The following MAF variants were observed in gnomAD, a reference collection of about 807,000 sequenced individuals.
MAF encodes MAF bZIP transcription factor, also known as transcription factor Maf.
In MAF, 10 loss-of-function variants were observed where a neutral mutation model predicts 22.0. The ratio of observed to expected loss-of-function variants is 0.45; its 90% CI spans 0.28 to 0.77. MAF has a LOEUF of 0.77. Ranked by LOEUF, MAF falls within the 30% of genes least tolerant of loss-of-function variation. The pLI is 0.12. For missense variants in MAF, 544 were observed against 548.4 expected, an observed-to-expected ratio of 0.99 and a Z score of 0.08; for synonymous variants, 337 against 255.8, an observed-to-expected ratio of 1.32 and a Z score of -3.03.
chr16:79,378,244 T>C, the MAF span, among the ~76,000 whole-genome samples: 2 of 152,126 alleles, frequency 1.3e-5, no homozygotes, highest in African/African-American at 4.8e-5. Context: ...GAAAAGTCCA[T>C]CAAGCGTACA....
the MAF span, among the ~76,000 whole-genome samples, chr16:79,316,727 T>C: frequency 1.3e-5 from 2 of 152,220 alleles, no homozygotes; most frequent in Middle Eastern, 3.4e-3. Flanking sequence ...GAATATTCAG[T>C]TGGCCTTACA....
the MAF span, among the ~76,000 whole-genome samples, chr16:79,304,976 T>C: frequency 6.6e-6 from 1 of 152,122 alleles, no homozygotes; most frequent in Non-Finnish European, 1.5e-5. Context: ...GAGCACTAAT[T>C]CAGAATGGAT....
chr16:79,290,101 C>T, the MAF span, among the ~76,000 whole-genome samples: 1 of 152,104 alleles, frequency 6.6e-6, no homozygotes, highest in Admixed American at 6.5e-5. Context: ...TTGTGATCCA[C>T]CCACCTCGGC....
chr16:79,482,224 A>G, the MAF span, among the ~76,000 whole-genome samples: 1 of 152,228 alleles, frequency 6.6e-6, no homozygotes, highest in African/African-American at 2.4e-5. Flanking sequence ...CAGTCATATG[A>G]CAGTTTCATT....
the MAF span, among the ~76,000 whole-genome samples, chr16:79,325,631 A>AAC: frequency 2.0e-5 from 3 of 149,528 alleles, no homozygotes; most frequent in South Asian, 2.1e-4. Flanking sequence ...ACACACACAG[A>AAC]ACACACACAC....
chr16:79,598,523 C>G (rs1227561989), intron 1 of MAF: 1 of 1,394,060 alleles, frequency 7.2e-7, no homozygotes, highest in Admixed American at 2.9e-5. Context: ...GAGCCAGACA[C>G]CCATTCCCTC....
the MAF span, among the ~76,000 whole-genome samples, chr16:79,231,316 T>G: frequency 6.6e-6 from 1 of 152,106 alleles, no homozygotes; most frequent in Non-Finnish European, 1.5e-5. Context: ...TGACCTGGTT[T>G]CTGGGGTAAA....
chr16:79,314,929 C>T, the MAF span, among the ~76,000 whole-genome samples: 103 of 152,250 alleles, frequency 6.8e-4, no homozygotes, highest in Non-Finnish European at 1.2e-3. Flanking sequence ...GAAGTGACCT[C>T]GAAATGGCAA....
the MAF span, among the ~76,000 whole-genome samples, chr16:79,226,396 G>T: frequency 2.0e-4 from 30 of 152,212 alleles, no homozygotes; most frequent in African/African-American, 6.7e-4. Flanking sequence ...GGTGTTAGGG[G>T]AGGGATAGCA....
At chr16:79,395,103 G>C in the MAF span, among the ~76,000 whole-genome samples, 1 of 152,216 alleles carries the variant, frequency 6.6e-6, no homozygotes. Context: ...GAACGCAAGA[G>C]CCAAGGGCCT....
chr16:79,580,756 G>C, the MAF span, among the ~76,000 whole-genome samples: 1 of 151,878 alleles, frequency 6.6e-6, no homozygotes, highest in African/African-American at 2.4e-5. Flanking sequence ...TGTAGCCTGT[G>C]CACTTTTCAT....
chr16:79,587,574 C>G (rs1229673616), intron 1 of MAF, among the ~76,000 whole-genome samples: 2 of 152,258 alleles, frequency 1.3e-5, no homozygotes, highest in Non-Finnish European at 2.9e-5. Context: ...GGAATATTTA[C>G]ATGAGATCAT....
chr16:79,301,858 C>T, the MAF span, among the ~76,000 whole-genome samples: 2 of 152,222 alleles, frequency 1.3e-5, no homozygotes, highest in Non-Finnish European at 2.9e-5. Context: ...GGAAACTACA[C>T]TATTATCTGT....
chr16:79,218,762 C>A, the MAF span, among the ~76,000 whole-genome samples: 1 of 152,302 alleles, frequency 6.6e-6, no homozygotes, highest in South Asian at 2.1e-4. Flanking sequence ...CAAAGTGAGT[C>A]TACATTCAGT....
At chr16:79,446,915 C>A in the MAF span, among the ~76,000 whole-genome samples, 1 of 149,900 alleles carries the variant, frequency 6.7e-6, no homozygotes, top group African/African-American at 2.5e-5. Flanking sequence ...GACACTGTCT[C>A]AAGAAAAATT....
At chr16:79,383,940 G>A in the MAF span, among the ~76,000 whole-genome samples, 4 of 152,178 alleles carry the variant, frequency 2.6e-5, no homozygotes. Flanking sequence ...GATACAAAAA[G>A]TCCTGCCTGA....
At chr16:79,317,553 T>C in the MAF span, among the ~76,000 whole-genome samples, 1 of 151,606 alleles carries the variant, frequency 6.6e-6, no homozygotes, top group African/African-American at 2.4e-5. Context: ...CTTTCTTCCT[T>C]CCTTCTTTCC....
At chr16:79,469,305 T>C in the MAF span, among the ~76,000 whole-genome samples, 1 of 152,224 alleles carries the variant, frequency 6.6e-6, no homozygotes, top group African/African-American at 2.4e-5. Flanking sequence ...TCTGTCCCTT[T>C]ACAGAAAAAG....
the MAF span, among the ~76,000 whole-genome samples, chr16:79,258,225 G>A: frequency 6.6e-6 from 1 of 152,238 alleles, no homozygotes; most frequent in Admixed American, 6.5e-5. Flanking sequence ...GGATGGTCAC[G>A]ATCACCACAG....
Sources: gnomAD v4.1 joint callset for allele counts (sites outside exome capture counted in the v4.1 genomes callset) on GRCh38, gnomAD v4.1.1 for gene constraint, MANE v1.5 for transcripts, NCBI Gene and HGNC (gene_info 2026-07-23, HGNC 2026-07-21) for gene names.